The following TRIOBP variants were observed in gnomAD, a reference collection of about 807,000 sequenced individuals.
TRIOBP encodes TRIO and F-actin binding protein, also known as TRIO and F-actin-binding protein.
A neutral mutation model predicts 238.8 loss-of-function variants in TRIOBP; 169 were observed. That is an observed-to-expected ratio of 0.71 (90% confidence interval 0.62 to 0.80). TRIOBP has a LOEUF of 0.80. Among genes scored for constraint, TRIOBP ranks in the 30% least tolerant of loss-of-function variants. The pLI is 0.00. For synonymous variants in TRIOBP, 1,150 were observed against 1,274.4 expected, an observed-to-expected ratio of 0.90 and a Z score of 2.08; for missense variants, 2,838 against 3,122.6, an observed-to-expected ratio of 0.91 and a Z score of 2.17.
chr22:37,720,097 C>T (rs1169587232), intron 6 of TRIOBP, among the ~76,000 whole-genome samples: 1 of 147,842 alleles, frequency 6.8e-6, no homozygotes, highest in Non-Finnish European at 1.5e-5. Context: ...GCAACCTCCA[C>T]CTCCCAGGTT....
chr22:37,759,393 T>G, intron 17 of TRIOBP, 129 bp downstream of exon 17: 3 of 1,261,552 alleles, frequency 2.4e-6, no homozygotes, highest in Non-Finnish European at 3.5e-6. Context: ...TTGACATGCG[T>G]CATCTCATTT....
chr22:37,718,131 C>T (rs1375033829), intron 6 of TRIOBP, among the ~76,000 whole-genome samples: 1 of 152,298 alleles, frequency 6.6e-6, no homozygotes, highest in Non-Finnish European at 1.5e-5. Flanking sequence ...CCGGCCGCTC[C>T]GAGTGCGGGG....
chr22:37,770,056 T>C (rs960010102), intron 21 of TRIOBP, among the ~76,000 whole-genome samples: 20 of 150,784 alleles, frequency 1.3e-4, no homozygotes, highest in African/African-American at 4.9e-4. Flanking sequence ...CTTTTTTTTT[T>C]TTTTTGAGAC....
intron 3 of TRIOBP, among the ~76,000 whole-genome samples, chr22:37,705,436 G>A (rs1032041446): frequency 6.6e-5 from 10 of 152,082 alleles, no homozygotes; most frequent in African/African-American, 2.2e-4. Context: ...GCTGCACATC[G>A]GGCTGGAGAG....
At chr22:37,721,536 G>A (rs557285964) in intron 6 of TRIOBP, among the ~76,000 whole-genome samples, 1 of 152,322 alleles carries the variant, frequency 6.6e-6, no homozygotes, top group Admixed American at 6.5e-5. Context: ...GGAGGGCAAT[G>A]GCACATTCTT....
At chr22:37,742,619 A>G (rs1924993181) in intron 11 of TRIOBP, among the ~76,000 whole-genome samples, 2 of 152,120 alleles carry the variant, frequency 1.3e-5, no homozygotes. Flanking sequence ...GCAGGCAAGC[A>G]TGGTTATCTG....
intron 7 of TRIOBP, among the ~76,000 whole-genome samples, chr22:37,731,566 C>T (rs1339984397): frequency 6.6e-6 from 1 of 152,154 alleles, no homozygotes; most frequent in African/African-American, 2.4e-5. Context: ...AAGCGATCCT[C>T]CTGCCTCAGC....
intron 3 of TRIOBP, among the ~76,000 whole-genome samples, chr22:37,702,921 G>A (rs1311302373): frequency 2.0e-5 from 3 of 152,078 alleles, no homozygotes; most frequent in Non-Finnish European, 4.4e-5. Context: ...GGGATTACAG[G>A]TGTGAGACAC....
Position 37,769,124 on chromosome 22 carries a change from GGAGCGC to G in TRIOBP, c.6677_6682del (p.Arg2226_Glu2227del). The G allele has an allele frequency of 1.2e-6, 2 of 1,613,244 alleles. No individual in the cohort carries two copies. Among genetic ancestry groups the G allele is most frequent in the Non-Finnish European group, 1.7e-6 (2 of 1,179,984 alleles). Reference sequence around the variant, plus strand: ...TTGGGGCACTCATGCGGCAGGCTGAGGAGCGCGAGCACACGCTGCGCCGCTGCCAGC... The same window carrying G: ...TTGGGGCACTCATGCGGCAGGCTGAGGAGCACACGCTGCGCCGCTGCCAGC... On this transcript the variant is annotated inframe_deletion, in exon 20 of 24. Transcript: ENST00000644935.
In TRIOBP at chr22:37,723,751, C is replaced by G. The variant is rs750078356; in HGVS notation, c.1195C>G (p.Arg399Gly). 23 of 1,515,214 alleles carry G rather than the reference C, an allele frequency of 1.5e-5. No homozygotes were observed. In the East Asian group the frequency reaches 5.3e-4, roughly 35 times the overall value. 93.9% of individuals were successfully genotyped at this position (1,515,214 alleles called of 1,614,324 possible). Residue 399 changes from arginine (R) to glycine (G), a missense_variant, in exon 7 of 24, where the codon CGA (arginine) becomes GGA (glycine). By Grantham distance (125) the Arg-to-Gly change is moderately radical. Transcript: ENST00000644935. ...CTCCTCTCCCAACAGAACCACTCAA[C>G]GAGAGAATTCCAGAACATCCTGTGC... Reference protein sequence around the residue: ...RASSPNRTTQRENSRTSCAQR... With the variant: ...RASSPNRTTQGENSRTSCAQR...
At chr22:37,711,587 A>AC (rs369701793) in intron 4 of TRIOBP, among the ~76,000 whole-genome samples, 6,517 of 48,778 alleles carry the variant, frequency 0.13, 184 homozygotes, top group South Asian at 0.47. Flanking sequence ...TCAAAAAAAA[A>AC]AAAAACAACA....
intron 10 of TRIOBP, 152 bp downstream of exon 10, chr22:37,738,871 A>ATACGGCGACCACCG: frequency 3.5e-6 from 3 of 864,922 alleles, no homozygotes; most frequent in East Asian, 2.7e-5. Context: ...GGGCCTTAAG[A>ATACGGCGACCACCG]AGAGGGGCTC....
rs959914493 is a variant in TRIOBP at position 37,775,157 on chromosome 22, G to A, written c.*1377G>A. 4.6e-5 allele frequency: 7 copies of A among 152,212 alleles called. No individual in the cohort carries two copies. The highest frequency in any genetic ancestry group is 1.4e-4 in the African/African-American group (6 of 41,448). The allele number at this position is 152,212 out of a possible 1,614,324, so 9.4% of individuals were successfully genotyped here. ...GCCACATCCAGTAGGGGTCCTGGAAGGCTGTGAGAACCCAGAGGAGACCCT... is the reference window on the plus strand; with the variant it reads ...GCCACATCCAGTAGGGGTCCTGGAAAGCTGTGAGAACCCAGAGGAGACCCT... On this transcript the variant is annotated 3_prime_UTR_variant, in exon 24 of 24. Transcript: ENST00000644935.
In TRIOBP at chr22:37,770,003, A is replaced by T. The variant is rs146900723; in HGVS notation, c.6849+628A>T. 2.6e-3 allele frequency among the ~76,000 whole-genome samples: 388 copies of T among 148,948 alleles called. 1 individual carries two copies. Among genetic ancestry groups the T allele is most frequent in the Non-Finnish European group, 5.0e-3 (337 of 67,470 alleles). On this transcript the variant is annotated intron_variant, in intron 21 of 23. Coordinates refer to ENST00000644935, the MANE Select transcript of TRIOBP (RefSeq NM_001039141.3). Reference sequence around the variant, plus strand: ...CTTGGCCTCACAAAGTGCTGGGATTACAGCATGAGCCACCACACCCGGCCT... The same window carrying T: ...CTTGGCCTCACAAAGTGCTGGGATTTCAGCATGAGCCACCACACCCGGCCT...
Position 37,726,062 on chromosome 22 carries a change from G to T in TRIOBP, c.3506G>T (p.Arg1169Leu), listed in dbSNP as rs780058028. The change falls in exon 7 of 24, where the codon CGG becomes CTG. Residue 1169 changes from arginine (R) to leucine (L), a missense_variant. Physicochemically the swap from Arg to Leu is moderately radical, Grantham distance 102 (BLOSUM62 -2). This residue lies in a region of TRIOBP where 2,096 missense variants were observed against 2,137.4 expected (regional missense o/e 0.98). Transcript: ENST00000644935. ...HIPTPVCIGH[R>L]DAPSFSSPPR... Reference sequence around the variant, plus strand: ...CCCACCCCTGTGTGCATTGGGCACCGGGATGCACCCTCCTTCTCATCCCCA... The same window carrying T: ...CCCACCCCTGTGTGCATTGGGCACCTGGATGCACCCTCCTTCTCATCCCCA... 1 of 1,593,974 alleles carries T rather than the reference G, an allele frequency of 6.3e-7. No homozygotes were observed. The highest frequency in any genetic ancestry group is 1.4e-5 in the African/African-American group (1 of 74,062).
chr22:37,736,959 G>A (rs1924703092), intron 9 of TRIOBP, among the ~76,000 whole-genome samples: 1 of 152,214 alleles, frequency 6.6e-6, no homozygotes, highest in African/African-American at 2.4e-5. Context: ...ACGTCACAAA[G>A]CTCCTGAGCC....
chr22:37,764,573 T>G (rs948862284), intron 17 of TRIOBP, among the ~76,000 whole-genome samples: 5 of 152,218 alleles, frequency 3.3e-5, no homozygotes, highest in Admixed American at 3.3e-4. Flanking sequence ...TCCAAAAGTC[T>G]CTGTACACAT....
intron 10 of TRIOBP, 72 bp from the exon 11 acceptor site, chr22:37,740,823 G>T: frequency 6.5e-7 from 1 of 1,548,542 alleles, no homozygotes; most frequent in Non-Finnish European, 8.7e-7. Context: ...GAATGGGCAG[G>T]GGAGGCTGTA....
At chr22:37,746,044 C>CCCTGCCGT (rs1240441336) in intron 11 of TRIOBP, among the ~76,000 whole-genome samples, 8 of 134,548 alleles carry the variant, frequency 5.9e-5, no homozygotes, top group Non-Finnish European at 1.1e-4. Flanking sequence ...CATCCGCCCA[C>CCCTGCCGT]CCCGCCGTCC....
Sources: gnomAD v4.1 joint callset for allele counts (sites outside exome capture counted in the v4.1 genomes callset) on GRCh38, gnomAD v4.1.1 for gene constraint, gnomAD v4.1.1 regional missense constraint, MANE v1.5 for transcripts, NCBI Gene and HGNC (gene_info 2026-07-23, HGNC 2026-07-21) for gene names.